The following APAF1 variants were observed in gnomAD, a reference collection of about 807,000 sequenced individuals.
APAF1 encodes the protein apoptotic protease-activating factor 1.
In APAF1, 91 loss-of-function variants were observed where a neutral mutation model predicts 152.4. The ratio of observed to expected loss-of-function variants is 0.60; its 90% CI spans 0.50 to 0.71. The LOEUF (loss-of-function observed/expected upper bound fraction) is 0.71, where lower values mean the gene tolerates loss of function less well. Ranked by LOEUF, APAF1 falls within the 30% of genes least tolerant of loss-of-function variation. The pLI is 0.00. For synonymous variants in APAF1, 484 were observed against 494.1 expected (o/e 0.98, Z 0.27); for missense variants, 1,283 against 1,472.0 (o/e 0.87, Z 2.10).
intron 19 of APAF1, 56 bp from the exon 20 acceptor site, chr12:98,708,529 A>G (rs1292575952): frequency 1.8e-5 from 29 of 1,576,606 alleles, no homozygotes; most frequent in Non-Finnish European, 1.8e-5. Flanking sequence ...TCTCGCTTTA[A>G]GATGAAGACA....
chr12:98,706,556 G>A lies in APAF1; in HGVS notation c.2667G>A (p.Met889Ile). 1 of 1,614,026 alleles carries A rather than the reference G, an allele frequency of 6.2e-7. No individual in the cohort carries two copies. The highest frequency in any genetic ancestry group is 8.5e-7 in the Non-Finnish European group (1 of 1,179,928). ...ATTTAAGTTGGGTTCATGGTGTGAT[G>A]TTTTCTCCTGATGGATCATCATTTT... Reference protein sequence around the residue: ...RGHLSWVHGVMFSPDGSSFLT... With the variant: ...RGHLSWVHGVIFSPDGSSFLT... Residue 889 changes from methionine (M) to isoleucine (I), a missense_variant, in exon 19 of 27, where the codon ATG (methionine) becomes ATA (isoleucine). Transcript: ENST00000551964.
intron 22 of APAF1, among the ~76,000 whole-genome samples, chr12:98,721,711 G>A (rs929355252): frequency 6.6e-6 from 1 of 152,146 alleles, no homozygotes; most frequent in South Asian, 2.1e-4. Flanking sequence ...CTGATATCCT[G>A]CTTCTGTGAA....
At position 98,645,294 on chromosome 12, in the gene APAF1, G is replaced by A. The variant is rs1379802749; in HGVS notation, c.-583G>A. On this transcript the variant is annotated 5_prime_UTR_variant, in exon 1 of 27. Coordinates refer to ENST00000551964, the MANE Select transcript of APAF1 (RefSeq NM_181861.2). Reference sequence around the variant, plus strand: ...GATTTGACTGCTCCGCTGTCCAGAGGCGGAGAAGAAGAGGTAGCGAGTGGA... The same window carrying A: ...GATTTGACTGCTCCGCTGTCCAGAGACGGAGAAGAAGAGGTAGCGAGTGGA... 7 of 153,114 alleles carry A rather than the reference G, an allele frequency of 4.6e-5. No homozygotes were observed. The highest frequency in any genetic ancestry group is 1.3e-4 in the Admixed American group (2 of 15,276). 9.5% of individuals were successfully genotyped at this position (153,114 alleles called of 1,614,324 possible). A position where few individuals can be genotyped will look rare whatever the true frequency, so the allele number is the denominator to read the frequency against.
At position 98,659,349 on chromosome 12, in the gene APAF1, G is replaced by T; in HGVS notation, c.710+6G>T. Reference sequence around the variant, plus strand: ...ATGCTTCGCAAACACCCAAGGTACCGATGGTCAAATTTAGTTGGTGTGTCA... The same window carrying T: ...ATGCTTCGCAAACACCCAAGGTACCTATGGTCAAATTTAGTTGGTGTGTCA... On this transcript the variant is annotated splice_donor_region_variant and intron_variant, in intron 5 of 26. Transcript: ENST00000551964. 2.5e-6 allele frequency: 4 copies of T among 1,614,050 alleles called. No individual in the cohort carries two copies. In the South Asian group the frequency reaches 4.4e-5, roughly 18 times the overall value.
intron 4 of APAF1, among the ~76,000 whole-genome samples, chr12:98,656,126 C>G (rs978934250): frequency 6.6e-6 from 1 of 152,024 alleles, no homozygotes; most frequent in African/African-American, 2.4e-5. Context: ...CGTGGTTTCA[C>G]CATGTTGCTC....
chr12:98,691,507 T>G (rs1432210078), intron 16 of APAF1, among the ~76,000 whole-genome samples: 1 of 152,200 alleles, frequency 6.6e-6, no homozygotes, highest in Non-Finnish European at 1.5e-5. Flanking sequence ...GTTTCCTGAC[T>G]ACCTACTCCC....
Position 98,725,612 on chromosome 12 carries a change from T to C in APAF1, c.3456+72T>C. ...GCTAGCACTGTTCACAGTGGGGACC[T>C]TTGTTCACGGGCCAGGGAAGCATAG... On this transcript the variant is annotated intron_variant, in intron 25 of 26. Transcript: ENST00000551964. The C allele has an allele frequency of 7.5e-6, 12 of 1,601,768 alleles. No homozygotes were observed. The South Asian group carries it at 1.3e-4, about 18-fold the overall frequency.
intron 21 of APAF1, among the ~76,000 whole-genome samples, chr12:98,714,253 T>A (rs1296694353): frequency 1.3e-5 from 2 of 152,192 alleles, no homozygotes; most frequent in Non-Finnish European, 2.9e-5. Context: ...ACAACACACA[T>A]ATGTGCTTCA....
chr12:98,652,112 G>T (rs1270251181), intron 4 of APAF1, among the ~76,000 whole-genome samples: 2 of 152,090 alleles, frequency 1.3e-5, no homozygotes, highest in Non-Finnish European at 2.9e-5. Context: ...ACCATGCTTG[G>T]TGTGTTTTTA....
At chr12:98,653,293 G>C (rs987799382) in intron 4 of APAF1, among the ~76,000 whole-genome samples, 20 of 151,980 alleles carry the variant, frequency 1.3e-4, no homozygotes, top group African/African-American at 4.8e-4. Flanking sequence ...ATCTAAATTT[G>C]ATTAAAATTG....
At position 98,667,637 on chromosome 12, in the gene APAF1, T is replaced by A; in HGVS notation, c.1487T>A (p.Met496Lys). 1 of 1,613,718 alleles carries A rather than the reference T, an allele frequency of 6.2e-7. No homozygotes were observed. The highest frequency in any genetic ancestry group is 8.5e-7 in the Non-Finnish European group (1 of 1,180,020). ...GCCTATCACATGGCCAGTGCCAAGA[T>A]GCACAAGGTAAGATGACCCATTTAA... ...FLAYHMASAK[M>K]HKELCALMFS... The change falls in exon 10 of 27, where the codon ATG (methionine) becomes AAG (lysine). Residue 496 changes from methionine (M) to lysine (K), a missense_variant. Transcript: ENST00000551964.
chr12:98,650,387 G>C (rs2097647423), intron 4 of APAF1, among the ~76,000 whole-genome samples: 1 of 152,060 alleles, frequency 6.6e-6, no homozygotes, highest in Admixed American at 6.5e-5. Context: ...TCGGGAGGCT[G>C]AGGCAGGAGA....
intron 16 of APAF1, among the ~76,000 whole-genome samples, chr12:98,696,284 G>A (rs1224582030): frequency 6.6e-6 from 1 of 152,164 alleles, no homozygotes; most frequent in Non-Finnish European, 1.5e-5. Flanking sequence ...AAGTGGGCGT[G>A]TGCAAAGAGA....
intron 14 of APAF1, 105 bp from the exon 15 acceptor site, chr12:98,683,038 T>A: frequency 1.1e-6 from 1 of 881,924 alleles, no homozygotes; most frequent in Non-Finnish European, 1.8e-6. Flanking sequence ...AAATCTGCTA[T>A]GACAGGATAA....
Position 98,671,595 on chromosome 12 carries a change from C to T in APAF1, c.1669C>T (p.Arg557Ter), listed in dbSNP as rs764463198. 1.6e-5 allele frequency: 26 copies of T among 1,613,702 alleles called. No individual in the cohort carries two copies. The highest frequency in any genetic ancestry group is 1.6e-4 in the Middle Eastern group (1 of 6,082). The change falls in exon 12 of 27, where the codon CGA becomes TGA. Residue 557 changes from arginine (R) to a stop codon, truncating the protein, a stop_gained. Transcript: ENST00000551964. LOFTEE classifies it high-confidence loss of function. ...ATCTTTAAATGGACACCTTCTTGGA[C>T]GACAGCCATTTCCTAATATTGTACA... ...FLSLNGHLLG[R>*]QPFPNIVQLG...
intron 22 of APAF1, among the ~76,000 whole-genome samples, chr12:98,721,855 G>T (rs2097743400): frequency 1.3e-5 from 2 of 152,186 alleles, no homozygotes; most frequent in South Asian, 4.1e-4. Flanking sequence ...TTTTGCCTAG[G>T]TCTGATTAAA....
intron 14 of APAF1, 125 bp from the exon 15 acceptor site, chr12:98,683,018 C>T (rs1171014555): frequency 3.8e-6 from 3 of 781,764 alleles, no homozygotes; most frequent in African/African-American, 3.5e-5. Context: ...AGCATCTTGT[C>T]CAACTAGGAA....
chr12:98,679,041 T>C (rs1329548846), intron 13 of APAF1, among the ~76,000 whole-genome samples: 1 of 152,176 alleles, frequency 6.6e-6, no homozygotes, highest in Non-Finnish European at 1.5e-5. Flanking sequence ...ACAAAGGGCC[T>C]GAAGACTGGG....
chr12:98,687,474 C>G (rs1190067473), intron 16 of APAF1, among the ~76,000 whole-genome samples: 1 of 151,384 alleles, frequency 6.6e-6, no homozygotes, highest in Non-Finnish European at 1.5e-5. Flanking sequence ...ATTTTGAGAT[C>G]TGTTTTAGTT....
Sources: gnomAD v4.1 joint callset for allele counts (sites outside exome capture counted in the v4.1 genomes callset) on GRCh38, gnomAD v4.1.1 for gene constraint, MANE v1.5 for transcripts, NCBI Gene and HGNC (gene_info 2026-07-23, HGNC 2026-07-21) for gene names.